Variants in CNTNAP2 observed in about 807,000 individuals in gnomAD.
The protein encoded by CNTNAP2 is contactin-associated protein-like 2.
CNTNAP2 carries 98 observed loss-of-function variants against 155.2 expected under a neutral mutation model. The observed-to-expected ratio is 0.63, with a 90% CI of 0.54 to 0.75. CNTNAP2 has a LOEUF of 0.75. Ranked by LOEUF, CNTNAP2 falls within the 30% of genes least tolerant of loss-of-function variation. The pLI, the probability that CNTNAP2 is intolerant of heterozygous loss-of-function variation, is 0.00. For missense variants in CNTNAP2, 1,727 were observed against 1,688.1 expected, an observed-to-expected ratio of 1.02 and a Z score of -0.40; for synonymous variants, 651 against 631.2, an observed-to-expected ratio of 1.03 and a Z score of -0.47.
intron 1 of CNTNAP2, among the ~76,000 whole-genome samples, chr7:146,737,704 C>T (rs928110734): frequency 6.6e-6 from 1 of 151,516 alleles, no homozygotes; most frequent in Admixed American, 6.6e-5. Flanking sequence ...ATTTGTATGC[C>T]TTCTTTTGAG....
Position 146,854,679 on chromosome 7 carries a change from A to G in CNTNAP2, c.402+14775A>G, listed in dbSNP as rs374362916. 2.0e-5 allele frequency among the ~76,000 whole-genome samples: 3 copies of G among 152,206 alleles called. No individual in the cohort carries two copies. In the East Asian group the frequency reaches 5.8e-4, roughly 29 times the overall value. ...CACACTTAGTACATAGATACTTAGTATAGCACATAGTATTATTTGCTGATG... is the reference window on the plus strand; with the variant it reads ...CACACTTAGTACATAGATACTTAGTGTAGCACATAGTATTATTTGCTGATG... On this transcript the variant is annotated intron_variant, in intron 3 of 23. Transcript: ENST00000361727.
At chr7:146,504,761 G>T (rs908114058) in intron 1 of CNTNAP2, among the ~76,000 whole-genome samples, 1 of 143,394 alleles carries the variant, frequency 7.0e-6, no homozygotes, top group Non-Finnish European at 1.6e-5. Context: ...AGCACATAAG[G>T]CCACCCCCAG....
At chr7:147,184,235 A>G (rs12056056) in intron 8 of CNTNAP2, among the ~76,000 whole-genome samples, 81,176 of 151,908 alleles carry the variant, frequency 0.53, 22,233 homozygotes, top group South Asian at 0.7. Context: ...CTGAAATAGG[A>G]GCTGGGGAGA....
intron 3 of CNTNAP2, among the ~76,000 whole-genome samples, chr7:146,875,577 CT>C (rs1795401759): frequency 6.6e-6 from 1 of 152,048 alleles, no homozygotes; most frequent in African/African-American, 2.4e-5. Context: ...GACAGAGCCC[CT>C]GTCTTCCAGC....
chr7:148,129,241 AT>A (rs150057718), intron 16 of CNTNAP2, among the ~76,000 whole-genome samples: 3,526 of 152,276 alleles, frequency 0.023, 54 homozygotes, highest in Non-Finnish European at 0.038. Context: ...AGTCACGGGC[AT>A]TTTAGGACAA....
chr7:146,826,050 C>A (rs1229220444), intron 2 of CNTNAP2, among the ~76,000 whole-genome samples: 1 of 151,982 alleles, frequency 6.6e-6, no homozygotes, highest in Non-Finnish European at 1.5e-5. Flanking sequence ...CCAGTGATGT[C>A]TTTTAGAGCT....
intron 3 of CNTNAP2, among the ~76,000 whole-genome samples, chr7:147,024,890 C>T (rs34987311): frequency 0.041 from 6,220 of 152,136 alleles, 148 homozygotes; most frequent in African/African-American, 0.055. Flanking sequence ...ATTGGACTAA[C>T]AGGAAGAGAG....
At chr7:147,327,529 A>G (rs1019796622) in intron 9 of CNTNAP2, among the ~76,000 whole-genome samples, 2 of 152,352 alleles carry the variant, frequency 1.3e-5, no homozygotes, top group South Asian at 2.1e-4. Context: ...ATGAAATCAA[A>G]TAGATCAGAA....
At chr7:146,390,211 C>CA (rs1337297846) in intron 1 of CNTNAP2, among the ~76,000 whole-genome samples, 2 of 151,786 alleles carry the variant, frequency 1.3e-5, no homozygotes, top group Non-Finnish European at 2.9e-5. Context: ...TATGTAAATA[C>CA]AAAAGTAAAT....
At chr7:148,082,497 G>A (rs1803630792) in intron 15 of CNTNAP2, among the ~76,000 whole-genome samples, 1 of 152,248 alleles carries the variant, frequency 6.6e-6, no homozygotes, top group South Asian at 2.1e-4. Flanking sequence ...GATAGAGGAG[G>A]AGTGTGGTCA....
At chr7:147,417,508 G>C (rs1797214872) in intron 10 of CNTNAP2, among the ~76,000 whole-genome samples, 1 of 152,156 alleles carries the variant, frequency 6.6e-6, no homozygotes, top group Non-Finnish European at 1.5e-5. Flanking sequence ...ACTGGGGATT[G>C]GGTTTCAATA....
rs147714650 is a variant in CNTNAP2 at position 146,170,692 on chromosome 7, T to C, written c.97+53719T>C. On this transcript the variant is annotated intron_variant, in intron 1 of 23. Transcript: ENST00000361727. Reference sequence around the variant, plus strand: ...ATGGCTTTTAGAGCTATGCAAACAATTAAAACTAACTGACAAGAGAGAATT... The same window carrying C: ...ATGGCTTTTAGAGCTATGCAAACAACTAAAACTAACTGACAAGAGAGAATT... Among the ~76,000 whole-genome samples, 6 of 152,178 alleles carry C rather than the reference T, an allele frequency of 3.9e-5. No individual in the cohort carries two copies. The East Asian group carries it at 1.2e-3, about 29-fold the overall frequency.
chr7:146,746,085 A>G (rs1173726035), intron 1 of CNTNAP2, among the ~76,000 whole-genome samples: 5 of 152,184 alleles, frequency 3.3e-5, no homozygotes, highest in Non-Finnish European at 7.3e-5. Context: ...GTTCTCCAAA[A>G]GGGAGTAGAG....
chr7:148,368,959 C>T (rs367774040), intron 21 of CNTNAP2, among the ~76,000 whole-genome samples: 1 of 152,104 alleles, frequency 6.6e-6, no homozygotes, highest in Non-Finnish European at 1.5e-5. Flanking sequence ...GGGTCTGGTT[C>T]CTAGGCACTG....
chr7:147,280,040 C>G (rs1015023848), intron 8 of CNTNAP2, among the ~76,000 whole-genome samples: 3 of 151,842 alleles, frequency 2.0e-5, no homozygotes, highest in African/African-American at 7.3e-5. Context: ...ACTCTTTCTG[C>G]CTTTTGTATA....
At chr7:147,554,009 A>G (rs1011148022) in intron 11 of CNTNAP2, among the ~76,000 whole-genome samples, 1 of 152,148 alleles carries the variant, frequency 6.6e-6, no homozygotes, top group Non-Finnish European at 1.5e-5. Flanking sequence ...TAGAGATGGG[A>G]ATGGAGACTC....
At chr7:147,571,955 G>C (rs529015128) in intron 12 of CNTNAP2, among the ~76,000 whole-genome samples, 8 of 152,042 alleles carry the variant, frequency 5.3e-5, no homozygotes, top group Admixed American at 3.9e-4. Context: ...CCTCTTTGTC[G>C]ACCTCTCACA....
At chr7:148,334,631 T>C (rs1269528555) in intron 21 of CNTNAP2, among the ~76,000 whole-genome samples, 4 of 152,078 alleles carry the variant, frequency 2.6e-5, no homozygotes, top group Non-Finnish European at 5.9e-5. Flanking sequence ...ACTAGCTGCT[T>C]TAGTTGTGAC....
rs1389944852 is a variant in CNTNAP2, at chr7:146,605,291, T to C, written c.98-168980T>C. On this transcript the variant is annotated intron_variant, in intron 1 of 23. Transcript: ENST00000361727. ...ATTGTACTTGTTCCATATCTCATAT[T>C]ATCAGATGATTGATATTATTATCAT... Among the ~76,000 whole-genome samples the C allele has an allele frequency of 1.3e-5, 2 of 151,240 alleles. 1 individual carries two copies. Among genetic ancestry groups the C allele is most frequent in the African/African-American group, 4.9e-5 (2 of 41,236 alleles).
Sources: gnomAD v4.1 joint callset for allele counts (sites outside exome capture counted in the v4.1 genomes callset) on GRCh38, gnomAD v4.1.1 for gene constraint, MANE v1.5 for transcripts, NCBI Gene and HGNC (gene_info 2026-07-23, HGNC 2026-07-21) for gene names.